The following ARRB1 variants were observed in gnomAD, a reference collection of about 807,000 sequenced individuals.
ARRB1 encodes the protein arrestin beta 1, also known as beta-arrestin-1.
Under a neutral mutation model 56.8 loss-of-function variants are expected in ARRB1, and 21 were observed. That is an observed-to-expected ratio of 0.37 (90% CI 0.26 to 0.53). The LOEUF (loss-of-function observed/expected upper bound fraction) is 0.53, where lower values mean the gene tolerates loss of function less well. Among genes scored for constraint, ARRB1 ranks in the 20% least tolerant of loss-of-function variants. ARRB1 has a pLI of 0.88. For synonymous variants in ARRB1, 210 were observed against 218.6 expected, an observed-to-expected ratio of 0.96 and a Z score of 0.35; for missense variants, 424 against 553.7, an observed-to-expected ratio of 0.77 and a Z score of 2.35.
At chr11:75,345,389 T>C (rs1330932655) in intron 1 of ARRB1, among the ~76,000 whole-genome samples, 1 of 151,978 alleles carries the variant, frequency 6.6e-6, no homozygotes, top group Admixed American at 6.6e-5. Context: ...GCCAACCCCC[T>C]CTGTTCTCCA....
intron 13 of ARRB1, 148 bp from the exon 14 acceptor site, chr11:75,269,107 C>T (rs1490366011): frequency 1.2e-6 from 1 of 830,736 alleles, no homozygotes; most frequent in Non-Finnish European, 2.0e-6. Context: ...CCAGTTCTGC[C>T]ACTCGGAGCC....
intron 1 of ARRB1, among the ~76,000 whole-genome samples, chr11:75,327,699 C>CT (rs1294494333): frequency 6.6e-6 from 1 of 151,820 alleles, no homozygotes; most frequent in African/African-American, 2.4e-5. Flanking sequence ...AGCGATTCTC[C>CT]TGCCTCAGCC....
At chr11:75,280,890 G>T (rs1181692832) in intron 7 of ARRB1, 185 bp downstream of exon 7, 2 of 651,734 alleles carry the variant, frequency 3.1e-6, no homozygotes, top group Non-Finnish European at 5.3e-6. Flanking sequence ...AACCCAGGCA[G>T]TCGAAGCCAC....
In ARRB1 at chr11:75,286,095, G is replaced by T. The variant is rs78660049; in HGVS notation, c.112+1220C>A. ...TGCTGACAGCCCCCTGGCCCTGGGAGCCCAGGGTCCCCAGGTCTTCCTCCT... is the reference window on the plus strand; with the variant it reads ...TGCTGACAGCCCCCTGGCCCTGGGATCCCAGGGTCCCCAGGTCTTCCTCCT... On this transcript the variant is annotated intron_variant, in intron 3 of 15. Coordinates refer to ENST00000420843, the MANE Select transcript of ARRB1 (RefSeq NM_004041.5). Among the ~76,000 whole-genome samples the T allele has an allele frequency of 7.7e-4, 117 of 152,122 alleles. No homozygotes were observed. The East Asian group carries it at 0.019, about 25-fold the overall frequency.
At chr11:75,329,021 T>C (rs2140504894) in intron 1 of ARRB1, among the ~76,000 whole-genome samples, 1 of 151,758 alleles carries the variant, frequency 6.6e-6, no homozygotes, top group Non-Finnish European at 1.5e-5. Context: ...AATTGGTCAC[T>C]GCACCTCTCA....
intron 1 of ARRB1, among the ~76,000 whole-genome samples, chr11:75,308,293 G>A (rs888597257): frequency 1.3e-5 from 2 of 152,242 alleles, no homozygotes; most frequent in African/African-American, 2.4e-5. Context: ...TCAGGCCACT[G>A]AGTAGAGCCA....
intron 1 of ARRB1, chr11:75,303,482 G>A (rs1485559510): frequency 6.9e-6 from 3 of 433,348 alleles, no homozygotes; most frequent in South Asian, 5.0e-5. Context: ...AAGTGCTCTT[G>A]CCCTGACTCC....
intron 1 of ARRB1, among the ~76,000 whole-genome samples, chr11:75,338,848 C>T (rs909273463): frequency 6.6e-6 from 1 of 152,168 alleles, no homozygotes; most frequent in African/African-American, 2.4e-5. Flanking sequence ...GTAGGTTTCT[C>T]CCAGTACCCT....
At chr11:75,282,441 G>A (rs35776328) in intron 5 of ARRB1, among the ~76,000 whole-genome samples, 4,162 of 152,274 alleles carry the variant, frequency 0.027, 72 homozygotes, top group South Asian at 0.045. Flanking sequence ...CCTTAGAAGT[G>A]GAAGCAGGGG....
At chr11:75,280,806 G>A (rs1002131905) in intron 7 of ARRB1, among the ~76,000 whole-genome samples, 2 of 152,216 alleles carry the variant, frequency 1.3e-5, no homozygotes. Flanking sequence ...CAGTCTGGAG[G>A]GGATGAAATG....
chr11:75,287,236 G>A, intron 3 of ARRB1, 79 bp downstream of exon 3: 2 of 1,456,010 alleles, frequency 1.4e-6, no homozygotes, highest in Non-Finnish European at 1.9e-6. Flanking sequence ...GGGCCCCTCT[G>A]GAGAGCTGAG....
intron 10 of ARRB1, among the ~76,000 whole-genome samples, chr11:75,276,378 T>G (rs1438988927): frequency 6.6e-6 from 1 of 152,210 alleles, no homozygotes; most frequent in African/African-American, 2.4e-5. Flanking sequence ...GATGATTTTT[T>G]TGTGTGTAAT....
In ARRB1 at chr11:75,263,547, G is replaced by T. The variant is rs770781399; in HGVS notation, c.*2616C>A. The stretch of plus-strand genomic sequence containing the variant: ...CCATAGGGACCAGCAGCCACCAGGA[G>T]CCCTGAAGGCAACTGCCCTCTATTA... On this transcript the variant is annotated 3_prime_UTR_variant, in exon 16 of 16. Transcript: ENST00000420843. Among the ~76,000 whole-genome samples the T allele has an allele frequency of 7.2e-5, 11 of 152,200 alleles. No homozygotes were observed. The highest frequency in any genetic ancestry group is 1.5e-4 in the Non-Finnish European group (10 of 68,014).
intron 1 of ARRB1, among the ~76,000 whole-genome samples, chr11:75,316,109 C>A (rs1947259374): frequency 6.6e-6 from 1 of 152,100 alleles, no homozygotes; most frequent in Non-Finnish European, 1.5e-5. Flanking sequence ...AGACAGATCA[C>A]CTGAGATCAG....
chr11:75,324,321 C>G lies in ARRB1; in HGVS notation c.20+27267G>C, dbSNP rs78308688. ...GCTTCCTTTACTGCTGGGACAGCGCCTAGCACACAGCAGGCTGGCTGAGCA... is the reference window on the plus strand; with the variant it reads ...GCTTCCTTTACTGCTGGGACAGCGCGTAGCACACAGCAGGCTGGCTGAGCA... On this transcript the variant is annotated intron_variant, in intron 1 of 15. Transcript: ENST00000420843. 9.2e-3 allele frequency among the ~76,000 whole-genome samples: 1,394 copies of G among 152,326 alleles called. 14 individuals are homozygous for G. Among genetic ancestry groups the G allele is most frequent in the Middle Eastern group, 0.027 (8 of 294 alleles).
chr11:75,317,064 G>A (rs1311124975), intron 1 of ARRB1, among the ~76,000 whole-genome samples: 1 of 152,114 alleles, frequency 6.6e-6, no homozygotes, highest in Non-Finnish European at 1.5e-5. Flanking sequence ...GCGAGACTCC[G>A]TCTCAAAATA....
intron 1 of ARRB1, among the ~76,000 whole-genome samples, chr11:75,313,896 G>A (rs1044062491): frequency 6.6e-6 from 1 of 152,180 alleles, no homozygotes; most frequent in Non-Finnish European, 1.5e-5. Context: ...TGCTTCTTAC[G>A]TGCCTAACAC....
intron 7 of ARRB1, 129 bp downstream of exon 7, chr11:75,280,946 T>TTCCAAGGC: frequency 8.6e-7 from 1 of 1,156,124 alleles, no homozygotes; most frequent in Non-Finnish European, 1.2e-6. Context: ...CAGAGTGCCC[T>TTCCAAGGC]TCCAAGGCTG....
intron 4 of ARRB1, 123 bp downstream of exon 4, chr11:75,284,112 G>A: frequency 9.8e-7 from 1 of 1,018,486 alleles, no homozygotes; most frequent in East Asian, 2.6e-5. Flanking sequence ...AACGGCATCT[G>A]TAGAGGTATT....
Sources: gnomAD v4.1 joint callset for allele counts (sites outside exome capture counted in the v4.1 genomes callset) on GRCh38, gnomAD v4.1.1 for gene constraint, MANE v1.5 for transcripts, NCBI Gene and HGNC (gene_info 2026-07-23, HGNC 2026-07-21) for gene names.